The following SIGLEC9 variants were observed in gnomAD, a reference collection of about 807,000 sequenced individuals.
SIGLEC9 encodes the protein sialic acid-binding Ig-like lectin 9.
In SIGLEC9, 26 loss-of-function variants were observed where a neutral mutation model predicts 38.3. That is an observed-to-expected ratio of 0.68 (90% CI 0.50 to 0.94). The LOEUF (loss-of-function observed/expected upper bound fraction) is 0.94. SIGLEC9 is among the 40% of genes least tolerant of loss of function. SIGLEC9 has a pLI of 0.00. For synonymous variants in SIGLEC9, 236 were observed against 248.0 expected, an observed-to-expected ratio of 0.95 and a Z score of 0.45; for missense variants, 556 against 585.7, an observed-to-expected ratio of 0.95 and a Z score of 0.52.
At chr19:51,129,171 G>GGTTTTTTTTTTTTTTTT (rs2091999183) in intron 6 of SIGLEC9, among the ~76,000 whole-genome samples, 1 of 138,992 alleles carries the variant, frequency 7.2e-6, no homozygotes, top group African/African-American at 3.0e-5. Context: ...TGTTGTTGTT[G>GGTTTTTTTTTTTTTTTT]TTTTTGAGAC....
upstream of SIGLEC9, chr19:51,120,841 A>C (rs981742666): frequency 1.3e-5 from 2 of 148,444 alleles, no homozygotes; most frequent in African/African-American, 5.3e-5. This position sits in a 1 kb window ranked among gnomAD's most constrained non-coding sequence, Gnocchi z 4.1. Flanking sequence ...CAGAATCAGG[A>C]ATTCTTTTTT....
chr19:51,135,922 C>T, intron 6 of SIGLEC9: 1 of 696,192 alleles, frequency 1.4e-6, no homozygotes, highest in South Asian at 1.5e-5. Flanking sequence ...TCTAACAGAT[C>T]AGTTTGATTC....
chr19:51,120,823 A>C (rs1263438487), upstream of SIGLEC9: 1 of 154,418 alleles, frequency 6.5e-6, no homozygotes, highest in Non-Finnish European at 1.5e-5. This position sits in a 1 kb window ranked among gnomAD's most constrained non-coding sequence, Gnocchi z 4.1. Context: ...TCAGGAGGGA[A>C]GGGAGGTCAG....
chr19:51,133,423 A>AT (rs1203695353), downstream of SIGLEC9, among the ~76,000 whole-genome samples: 1 of 151,464 alleles, frequency 6.6e-6, no homozygotes, highest in Non-Finnish European at 1.5e-5. Context: ...AAATACAAAA[A>AT]AAAAAAAAAA....
At chr19:51,122,819 G>C (rs965522266), upstream of SIGLEC9, 2 of 152,698 alleles carry the variant, frequency 1.3e-5, no homozygotes, top group Non-Finnish European at 2.9e-5. The surrounding 1 kb of genome is among the most constrained non-coding windows in gnomAD (Gnocchi z 4.1). Context: ...AGCTGGTCCT[G>C]AGAGGGAAGA....
chr19:51,130,753 C>A (rs573612337), downstream of SIGLEC9, among the ~76,000 whole-genome samples: 1 of 152,326 alleles, frequency 6.6e-6, no homozygotes, highest in South Asian at 2.1e-4. Flanking sequence ...GCTCCTGGAT[C>A]CTGAACCTCC....
intron 4 of SIGLEC9, among the ~76,000 whole-genome samples, chr19:51,127,691 A>C (rs986008748): frequency 2.0e-5 from 3 of 152,246 alleles, no homozygotes; most frequent in Admixed American, 2.0e-4. Context: ...TAAAAAAAGT[A>C]AAAATTGAAT....
In SIGLEC9 at chr19:51,130,084, C is replaced by T; in HGVS notation, c.*5C>T. 6.2e-7 allele frequency: 1 copy of T among 1,605,548 alleles called. No individual in the cohort carries two copies. Among genetic ancestry groups the T allele is most frequent in the Non-Finnish European group, 8.5e-7 (1 of 1,175,136 alleles). On this transcript the variant is annotated 3_prime_UTR_variant, in exon 7 of 7. Coordinates refer to ENST00000250360, the MANE Select transcript of SIGLEC9 (RefSeq NM_014441.3). ...GAGATCAAGATCCACAGATGAGAAACTGCAGAGACTCACCCTGATTGAGGG... is the reference window on the plus strand; with the variant it reads ...GAGATCAAGATCCACAGATGAGAAATTGCAGAGACTCACCCTGATTGAGGG...
Position 51,129,896 on chromosome 19 carries a change from C to G in SIGLEC9, c.1209C>G (p.Pro403=). Residue 403 remains proline, a synonymous_variant, in exon 7 of 7, where the codon CCC becomes CCG. Coordinates refer to ENST00000250360, the MANE Select transcript of SIGLEC9 (RefSeq NM_014441.3). ...TTCTCTCTCCCATGTCTCAGGGGCCCCTGACTGAACCTTGGGCAGAAGACA... is the reference window on the plus strand; with the variant it reads ...TTCTCTCTCCCATGTCTCAGGGGCCGCTGACTGAACCTTGGGCAGAAGACA... ...NAVRGSASQG[P]LTEPWAEDSP... is the part of the protein sequence containing the mutation. The G allele has an allele frequency of 1.3e-6, 2 of 1,584,772 alleles. No homozygotes were observed. The highest frequency in any genetic ancestry group is 1.2e-5 in the South Asian group (1 of 86,914).
chr19:51,128,539 C>G (rs1038809563), intron 6 of SIGLEC9, 29 bp downstream of exon 6: 7 of 1,600,822 alleles, frequency 4.4e-6, no homozygotes, highest in Non-Finnish European at 6.0e-6. Flanking sequence ...CCACAGCCAG[C>G]ATGTAGCCTG....
upstream of SIGLEC9, among the ~76,000 whole-genome samples, chr19:51,121,137 G>C (rs1022367399): frequency 6.6e-6 from 1 of 151,914 alleles, no homozygotes; most frequent in Non-Finnish European, 1.5e-5. Context: ...GCACCACTGT[G>C]CCTGGCCAGA....
chr19:51,134,927 T>C (rs1309911957), downstream of SIGLEC9, among the ~76,000 whole-genome samples: 1 of 152,214 alleles, frequency 6.6e-6, no homozygotes, highest in African/African-American at 2.4e-5. Flanking sequence ...GTAAATTACG[T>C]GGTTCCTTCT....
At position 51,127,315 on chromosome 19, in the gene SIGLEC9, T is replaced by G. The variant is rs2091985635; in HGVS notation, c.1015+19T>G. 2 of 1,593,940 alleles carry G rather than the reference T, an allele frequency of 1.3e-6. No individual in the cohort carries two copies. Among genetic ancestry groups the G allele is most frequent in the African/African-American group, 2.7e-5 (2 of 74,460 alleles). On this transcript the variant is annotated intron_variant, in intron 4 of 6. Transcript: ENST00000250360. ...CTGCAGAGTGAGTGCACCAGTATGC[T>G]GGGGAGGGGCTGGAGAGGAGAACAC...
chr19:51,128,365 C>T (rs771430118), intron 5 of SIGLEC9, 49 bp from the exon 6 acceptor site: 140 of 1,592,412 alleles, frequency 8.8e-5, no homozygotes, highest in Non-Finnish European at 1.0e-4. Flanking sequence ...GTCTGCCCAC[C>T]GCACCCCAAT....
chr19:51,128,724 C>A, intron 6 of SIGLEC9: 1 of 503,084 alleles, frequency 2.0e-6, no homozygotes, highest in Non-Finnish European at 3.6e-6. Context: ...ATTGCTGAGG[C>A]CTGAGGATCT....
chr19:51,135,682 T>G (rs1429745433), intron 6 of SIGLEC9, among the ~76,000 whole-genome samples: 1 of 152,218 alleles, frequency 6.6e-6, no homozygotes, highest in East Asian at 1.9e-4. Flanking sequence ...TATAAGTTGC[T>G]GCGTCTCTCT....
Position 51,130,262 on chromosome 19 carries a change from A to C in SIGLEC9, c.*183A>C. 1 of 1,176,416 alleles carries C rather than the reference A, an allele frequency of 8.5e-7. No homozygotes were observed. The highest frequency in any genetic ancestry group is 1.1e-6 in the Non-Finnish European group (1 of 910,504). The allele number at this position is 1,176,416 out of a possible 1,614,324, so 72.9% of individuals were successfully genotyped here. Reference sequence around the variant, plus strand: ...CAAAGTATCTCAAACCTGAATCCACACTGTGCCCTCCCTTTTATTTTTTTA... The same window carrying C: ...CAAAGTATCTCAAACCTGAATCCACCCTGTGCCCTCCCTTTTATTTTTTTA... On this transcript the variant is annotated 3_prime_UTR_variant, in exon 7 of 7. Coordinates refer to ENST00000250360, the MANE Select transcript of SIGLEC9 (RefSeq NM_014441.3).
At chr19:51,126,358 C>T (rs1336291495) in intron 3 of SIGLEC9, among the ~76,000 whole-genome samples, 1 of 151,710 alleles carries the variant, frequency 6.6e-6, no homozygotes, top group African/African-American at 2.4e-5. Flanking sequence ...AAGAGGGTGG[C>T]ATTCACACAG....
upstream of SIGLEC9, among the ~76,000 whole-genome samples, chr19:51,123,730 G>A (rs1399288900): frequency 6.6e-6 from 1 of 152,132 alleles, no homozygotes; most frequent in South Asian, 2.1e-4. Flanking sequence ...TGTGTAAACC[G>A]CTGAGATTTT....
Sources: gnomAD v4.1 joint callset for allele counts (sites outside exome capture counted in the v4.1 genomes callset) on GRCh38, gnomAD v4.1.1 for gene constraint, Gnocchi (gnomAD v3.1) non-coding constraint, MANE v1.5 for transcripts, NCBI Gene and HGNC (gene_info 2026-07-23, HGNC 2026-07-21) for gene names.